The following HMGA2 variants were observed in gnomAD, a reference collection of about 807,000 sequenced individuals.
HMGA2 encodes high mobility group AT-hook 2, also known as high mobility group protein HMGI-C.
Under a neutral mutation model 19.1 loss-of-function variants are expected in HMGA2, and 8 were observed. The ratio of observed to expected loss-of-function variants is 0.42; its 90% CI spans 0.25 to 0.76. The LOEUF (loss-of-function observed/expected upper bound fraction) is 0.76. Ranked by LOEUF, HMGA2 falls within the 30% of genes least tolerant of loss-of-function variation. HMGA2 has a pLI of 0.28. For missense variants in HMGA2, 109 were observed against 136.3 expected (o/e 0.80, Z 1.00); for synonymous variants, 60 against 48.8 (o/e 1.23, Z -0.96).
chr12:65,940,102 TAAAC>T (rs924381189), intron 3 of HMGA2, among the ~76,000 whole-genome samples: 1 of 151,594 alleles, frequency 6.6e-6, no homozygotes, highest in Non-Finnish European at 1.5e-5. Context: ...TAGCAGGTGA[TAAAC>T]AAGAGAGAAA....
intron 3 of HMGA2, among the ~76,000 whole-genome samples, chr12:65,934,288 T>C (rs1875818031): frequency 6.6e-6 from 1 of 152,164 alleles, no homozygotes; most frequent in Admixed American, 6.5e-5. Context: ...ATAAAACCAG[T>C]ATTGCCTGGA....
chr12:65,870,455 G>T (rs1186334016), intron 3 of HMGA2, among the ~76,000 whole-genome samples: 1 of 152,216 alleles, frequency 6.6e-6, no homozygotes, highest in Non-Finnish European at 1.5e-5. Flanking sequence ...CTGGGGGCAG[G>T]CGTGGTGGCT....
intron 3 of HMGA2, among the ~76,000 whole-genome samples, chr12:65,848,051 A>G (rs1251088667): frequency 6.6e-6 from 1 of 152,192 alleles, no homozygotes; most frequent in African/African-American, 2.4e-5. Context: ...ATGCCTCTCC[A>G]CTAAAGAAGT....
Position 65,914,170 on chromosome 12 carries a change from G to C in HMGA2, c.250-37213G>C, listed in dbSNP as rs1045861679. ...ATATACCCAAATGACTATGAATCAT[G>C]CTGCTATAAAGACACATGCACACGT... On this transcript the variant is annotated intron_variant, in intron 3 of 4. Transcript: ENST00000403681. 2.6e-5 allele frequency among the ~76,000 whole-genome samples: 4 copies of C among 152,006 alleles called. No homozygotes were observed. In the South Asian group the frequency reaches 6.3e-4, roughly 24 times the overall value.
chr12:65,879,303 T>G (rs1873231811), intron 3 of HMGA2, among the ~76,000 whole-genome samples: 1 of 151,888 alleles, frequency 6.6e-6, no homozygotes, highest in Non-Finnish European at 1.5e-5. Context: ...TTTTTTTTTT[T>G]TTTTTGGTAG....
chr12:65,906,968 G>A (rs1361890954), intron 3 of HMGA2, among the ~76,000 whole-genome samples: 1 of 152,092 alleles, frequency 6.6e-6, no homozygotes. Flanking sequence ...CTGTGGAAAT[G>A]GGTTTCTTTT....
chr12:65,841,775 A>T (rs1871007833), intron 3 of HMGA2, among the ~76,000 whole-genome samples: 1 of 152,116 alleles, frequency 6.6e-6, no homozygotes. Flanking sequence ...GTTCCAGTAG[A>T]TATTATAGAT....
chr12:65,876,778 C>A (rs913130523), intron 3 of HMGA2: 1 of 152,294 alleles, frequency 6.6e-6, no homozygotes, highest in East Asian at 1.9e-4. Context: ...GGAAACCATA[C>A]CCCATAGCAA....
At chr12:65,864,967 A>C (rs1592398948) in intron 3 of HMGA2, among the ~76,000 whole-genome samples, 1 of 151,756 alleles carries the variant, frequency 6.6e-6, no homozygotes, top group Non-Finnish European at 1.5e-5. Flanking sequence ...CTCCTCTTCC[A>C]CCTCTTCTCC....
intron 3 of HMGA2, among the ~76,000 whole-genome samples, chr12:65,903,562 G>A (rs1215430360): frequency 6.6e-6 from 1 of 152,158 alleles, no homozygotes; most frequent in Non-Finnish European, 1.5e-5. Context: ...CAGAGCAAGG[G>A]TCTCTGGTAA....
intron 3 of HMGA2, among the ~76,000 whole-genome samples, chr12:65,920,957 G>C (rs1034817604): frequency 6.6e-6 from 1 of 152,238 alleles, no homozygotes; most frequent in Non-Finnish European, 1.5e-5. Flanking sequence ...GAAAATGTGG[G>C]AATGTTTGGA....
chr12:65,825,643 T>A lies in HMGA2; in HGVS notation c.111+262T>A, dbSNP rs1008132296. On this transcript the variant is annotated intron_variant, in intron 1 of 4. Transcript: ENST00000403681. This position sits in a 1 kb window ranked among gnomAD's most constrained non-coding sequence, Gnocchi z 4.4. Reference sequence around the variant, plus strand: ...AGGTGGGGTCGGGCGAAGCGCGTCCTCGGACTTTCGCTATTGTGCACGGCC... The same window carrying A: ...AGGTGGGGTCGGGCGAAGCGCGTCCACGGACTTTCGCTATTGTGCACGGCC... 6.6e-6 allele frequency among the ~76,000 whole-genome samples: 1 copy of A among 151,806 alleles called. No homozygotes were observed. The highest frequency in any genetic ancestry group is 2.4e-5 in the African/African-American group (1 of 41,350).
intron 3 of HMGA2, chr12:65,915,160 T>C (rs1417888288): frequency 6.2e-7 from 1 of 1,612,710 alleles, no homozygotes; most frequent in Non-Finnish European, 8.5e-7. Flanking sequence ...AGGATAGCTC[T>C]TCATGTTATT....
At chr12:65,870,530 A>G (rs138266740) in intron 3 of HMGA2, among the ~76,000 whole-genome samples, 2,677 of 152,192 alleles carry the variant, frequency 0.018, 48 homozygotes, top group South Asian at 0.04. Context: ...CAGGAGTTCG[A>G]GACCAGCCTG....
At chr12:65,950,855 T>C (rs1180336862) in intron 3 of HMGA2, among the ~76,000 whole-genome samples, 1 of 152,232 alleles carries the variant, frequency 6.6e-6, no homozygotes, top group Non-Finnish European at 1.5e-5. Context: ...ATGCCAGAAT[T>C]TAATTGGGAA....
intron 3 of HMGA2, among the ~76,000 whole-genome samples, chr12:65,947,753 G>C (rs1239492018): frequency 6.6e-6 from 1 of 152,172 alleles, no homozygotes; most frequent in Non-Finnish European, 1.5e-5. Flanking sequence ...CAGTCATTAT[G>C]ATGTACACAC....
intron 3 of HMGA2, among the ~76,000 whole-genome samples, chr12:65,854,103 T>A (rs1871610247): frequency 6.6e-6 from 1 of 152,200 alleles, no homozygotes; most frequent in Non-Finnish European, 1.5e-5. Flanking sequence ...AGGTACACAT[T>A]TCGAGATATC....
At chr12:65,842,006 TCCCCC>T in intron 3 of HMGA2, 1 of 998,854 alleles carries the variant, frequency 1.0e-6, no homozygotes. Context: ...TTTTTTTTTA[TCCCCC>T]TAGTTTGAAC....
chr12:65,927,404 C>T lies in HMGA2; in HGVS notation c.250-23979C>T, dbSNP rs1360681008. ...TGTGCCTTTTGATTCCATATTCTGCCTCCACTAGATGTTTGGTTTTGCTGC... is the reference window on the plus strand; with the variant it reads ...TGTGCCTTTTGATTCCATATTCTGCTTCCACTAGATGTTTGGTTTTGCTGC... On this transcript the variant is annotated intron_variant, in intron 3 of 4. Coordinates refer to ENST00000403681, the MANE Select transcript of HMGA2 (RefSeq NM_003483.6). Among the ~76,000 whole-genome samples, 12 of 152,188 alleles carry T rather than the reference C, an allele frequency of 7.9e-5. No homozygotes were observed. In the East Asian group the frequency reaches 2.3e-3, roughly 29 times the overall value.
Sources: gnomAD v4.1 joint callset for allele counts (sites outside exome capture counted in the v4.1 genomes callset) on GRCh38, gnomAD v4.1.1 for gene constraint, Gnocchi (gnomAD v3.1) non-coding constraint, MANE v1.5 for transcripts, NCBI Gene and HGNC (gene_info 2026-07-23, HGNC 2026-07-21) for gene names.